OR9K2: variants seen among roughly 807,000 people sequenced by gnomAD.
OR9K2 encodes the protein olfactory receptor 9K2.
In OR9K2, 16 loss-of-function variants were observed where a neutral mutation model predicts 12.4. The observed-to-expected ratio is 1.29, with a 90% CI of 0.87 to 1.95. The LOEUF (loss-of-function observed/expected upper bound fraction) is 1.95. Ranked by LOEUF, OR9K2 falls within the 30% of genes most tolerant of loss-of-function variation. OR9K2 has a pLI of 0.00. For synonymous variants in OR9K2, 133 were observed against 133.2 expected, an observed-to-expected ratio of 1.00 and a Z score of 0.01; for missense variants, 434 against 376.5, an observed-to-expected ratio of 1.15 and a Z score of -1.26.
chr12:55,128,909 C>T (rs754558223), intron 2 of OR9K2, among the ~76,000 whole-genome samples: 1 of 152,046 alleles, frequency 6.6e-6, no homozygotes, highest in Non-Finnish European at 1.5e-5. Flanking sequence ...TAAAGAACTG[C>T]AAGTCACATG....
Position 55,130,813 on chromosome 12 carries a change from T to A in OR9K2, c.*37T>A. ...CTTTCACCAATTTTATTGTGGCTAT[T>A]TATTTAATACACCTGTGTTCATTAA... On this transcript the variant is annotated 3_prime_UTR_variant, in exon 3 of 3. Transcript: ENST00000641329. The A allele has an allele frequency of 1.7e-6, 2 of 1,196,870 alleles. No homozygotes were observed. The highest frequency in any genetic ancestry group is 2.4e-6 in the Non-Finnish European group (2 of 843,318). The allele number at this position is 1,196,870 out of a possible 1,614,324, so 74.1% of individuals were successfully genotyped here.
rs896674004 is a variant in OR9K2, at chr12:55,131,801, C to G, written c.*1025C>G. ...GGTAATCAGAGAAACCCTTCTTGGGCTGCATGGAACATTGCGCAAAGGGGG... is the reference window on the plus strand; with the variant it reads ...GGTAATCAGAGAAACCCTTCTTGGGGTGCATGGAACATTGCGCAAAGGGGG... On this transcript the variant is annotated 3_prime_UTR_variant, in exon 3 of 3. Transcript: ENST00000641329. 5 of 152,128 alleles carry G rather than the reference C, an allele frequency of 3.3e-5. No homozygotes were observed. The highest frequency in any genetic ancestry group is 1.2e-4 in the African/African-American group (5 of 41,410). 9.4% of individuals were successfully genotyped at this position (152,128 alleles called of 1,614,324 possible).
In OR9K2 at chr12:55,130,567, A is replaced by G; in HGVS notation, c.733A>G (p.Ser245Gly). The G allele has an allele frequency of 6.2e-7, 1 of 1,613,710 alleles. No individual in the cohort carries two copies. The highest frequency in any genetic ancestry group is 1.3e-5 in the African/African-American group (1 of 75,020). Residue 245 changes from serine (S) to glycine (G), a missense_variant, in exon 3 of 3, where the codon AGC (serine) becomes GGC (glycine). By Grantham distance (56) the Ser-to-Gly change is moderately conservative. Transcript: ENST00000641329. ...ACATAAGAAGGCCTTCTCCACCTGC[A>G]GCTCTCACCTGGGAGTTGTGAGTGT... is the stretch of plus-strand genomic sequence containing the variant. Reference protein sequence around the residue: ...EGHKKAFSTCSSHLGVVSVLY... With the variant: ...EGHKKAFSTCGSHLGVVSVLY...
Position 55,130,387 on chromosome 12 carries a change from C to A in OR9K2, c.553C>A (p.Arg185Ser). The A allele has an allele frequency of 6.2e-7, 1 of 1,613,938 alleles. No individual in the cohort carries two copies. The highest frequency in any genetic ancestry group is 1.1e-5 in the South Asian group (1 of 91,078). The change falls in exon 3 of 3, where the codon CGC becomes AGC. Residue 185 changes from arginine (R) to serine (S), a missense_variant. Physicochemically the swap from Arg to Ser is moderately radical, Grantham distance 110. Coordinates refer to ENST00000641329, the MANE Select transcript of OR9K2 (RefSeq NM_001005243.2). Reference protein sequence around the residue: ...RAVDHFYCDSRPLQRLSCSDL... With the variant: ...RAVDHFYCDSSPLQRLSCSDL... ...TGTTGACCACTTTTACTGTGATTCT[C>A]GCCCACTTCAGAGACTGTCTTGTTC... is the stretch of plus-strand genomic sequence containing the variant.
rs1179785173 is a variant in OR9K2 at position 55,130,043 on chromosome 12, C to G, written c.209C>G (p.Ser70Cys). 1 of 1,612,826 alleles carries G rather than the reference C, an allele frequency of 6.2e-7. No homozygotes were observed. The change falls in exon 3 of 3, where the codon TCC (serine) becomes TGC (cysteine). Residue 70 changes from serine to cysteine, a missense_variant. Transcript: ENST00000641329. ...ATGTATTTTTTCCTAGGCAATCTCT[C>G]CTTCATTGATCTTTTCTATTCATCT... Reference protein sequence around the residue: ...TPMYFFLGNLSFIDLFYSSVI... With the variant: ...TPMYFFLGNLCFIDLFYSSVI...
rs1434310397 is a variant in OR9K2, at chr12:55,130,870, A to G, written c.*94A>G. The G allele has an allele frequency of 1.4e-6, 1 of 729,444 alleles. No homozygotes were observed. Among genetic ancestry groups the G allele is most frequent in the African/African-American group, 1.8e-5 (1 of 56,138 alleles). 45.2% of individuals were successfully genotyped at this position (729,444 alleles called of 1,614,324 possible). A position where few individuals can be genotyped will look rare whatever the true frequency, so the allele number is the denominator to read the frequency against. ...TTACTCTCCCGAATGTCATAAAAAT[A>G]CTCTTAGATGTTTTCATGTGATGTG... is the stretch of plus-strand genomic sequence containing the variant. On this transcript the variant is annotated 3_prime_UTR_variant, in exon 3 of 3. Transcript: ENST00000641329.
In OR9K2 at chr12:55,132,625, G is replaced by A. The variant is rs1413694640; in HGVS notation, c.*1849G>A. The A allele has an allele frequency of 6.6e-6, 1 of 152,216 alleles. No individual in the cohort carries two copies. Among genetic ancestry groups the A allele is most frequent in the Admixed American group, 6.5e-5 (1 of 15,274 alleles). 9.4% of individuals were successfully genotyped at this position (152,216 alleles called of 1,614,324 possible). A position where few individuals can be genotyped will look rare whatever the true frequency, so the allele number is the denominator to read the frequency against. Reference sequence around the variant, plus strand: ...TTAATTTCTGTTGTTTAAGAACCCAGTGTGTGGTGTTTTGTTATGGGATCT... The same window carrying A: ...TTAATTTCTGTTGTTTAAGAACCCAATGTGTGGTGTTTTGTTATGGGATCT... On this transcript the variant is annotated 3_prime_UTR_variant, in exon 3 of 3. Transcript: ENST00000641329.
chr12:55,127,259 A>T (rs1953435360), intron 2 of OR9K2, among the ~76,000 whole-genome samples: 1 of 151,856 alleles, frequency 6.6e-6, no homozygotes, highest in Non-Finnish European at 1.5e-5. Flanking sequence ...CAAGTGAGGA[A>T]TAATTACTAT....
rs1216616234 is a variant in OR9K2 at position 55,130,841 on chromosome 12, A to T, written c.*65A>T. 5.7e-6 allele frequency: 5 copies of T among 883,490 alleles called. No homozygotes were observed. The highest frequency in any genetic ancestry group is 3.4e-6 in the Non-Finnish European group (2 of 581,848). The allele number at this position is 883,490 out of a possible 1,614,324, so 54.7% of individuals were successfully genotyped here. A position where few individuals can be genotyped will look rare whatever the true frequency, so the allele number is the denominator to read the frequency against. Reference sequence around the variant, plus strand: ...TTTAATACACCTGTGTTCATTAATAAAAGTTACTCTCCCGAATGTCATAAA... The same window carrying T: ...TTTAATACACCTGTGTTCATTAATATAAGTTACTCTCCCGAATGTCATAAA... On this transcript the variant is annotated 3_prime_UTR_variant, in exon 3 of 3. Coordinates refer to ENST00000641329, the MANE Select transcript of OR9K2 (RefSeq NM_001005243.2).
Position 55,129,910 on chromosome 12 carries a change from C to T in OR9K2, c.76C>T (p.Leu26Phe). 1 of 1,614,032 alleles carries T rather than the reference C, an allele frequency of 6.2e-7. No homozygotes were observed. The highest frequency in any genetic ancestry group is 8.5e-7 in the Non-Finnish European group (1 of 1,179,956). Residue 26 changes from leucine to phenylalanine, a missense_variant, in exon 3 of 3, where the codon CTC becomes TTC. Leu to Phe is a conservative substitution (Grantham distance 22). Coordinates refer to ENST00000641329, the MANE Select transcript of OR9K2 (RefSeq NM_001005243.2). ...TGCAGGCTTCAGGGTACGCCCAGAG[C>T]TCCACATTCTCCTCTTCCTGCTATT... is the stretch of plus-strand genomic sequence containing the variant. ...ILAGFRVRPE[L>F]HILLFLLFLF...
At chr12:55,128,698 G>A (rs1329323655) in intron 2 of OR9K2, among the ~76,000 whole-genome samples, 2 of 152,102 alleles carry the variant, frequency 1.3e-5, no homozygotes, top group East Asian at 3.9e-4. Flanking sequence ...AAGCCCTTAG[G>A]ACAGAGAAAG....
Position 55,132,545 on chromosome 12 carries a change from A to G in OR9K2, c.*1769A>G, listed in dbSNP as rs11171310. The G allele has an allele frequency of 0.32, 49,314 of 151,876 alleles. 8,227 individuals are homozygous for G. Among genetic ancestry groups the G allele is most frequent in the Middle Eastern group, 0.4 (119 of 294 alleles). 9.4% of individuals were successfully genotyped at this position (151,876 alleles called of 1,614,324 possible). ...AGCTAAGGAAAGAGGGCTCAGAGAA[A>G]ACCAACTCTGCTGACACCTTGATCT... On this transcript the variant is annotated 3_prime_UTR_variant, in exon 3 of 3. Coordinates refer to ENST00000641329, the MANE Select transcript of OR9K2 (RefSeq NM_001005243.2).
rs1213520253 is a variant in OR9K2 at position 55,132,260 on chromosome 12, AGT to A, written c.*1487_*1488del. 6.6e-6 allele frequency: 1 copy of A among 152,208 alleles called. No homozygotes were observed. Among genetic ancestry groups the A allele is most frequent in the Non-Finnish European group, 1.5e-5 (1 of 68,024 alleles). 9.4% of individuals were successfully genotyped at this position (152,208 alleles called of 1,614,324 possible). ...CAACAAAATGAGAAAAGGAAATAAA[AGT>A]GTTATGGGTTGAATGGTATTCCCTC... is the stretch of plus-strand genomic sequence containing the variant. On this transcript the variant is annotated 3_prime_UTR_variant, in exon 3 of 3. Transcript: ENST00000641329.
intron 1 of OR9K2, among the ~76,000 whole-genome samples, 152 bp from the exon 2 acceptor site, chr12:55,126,676 G>A (rs1161833067): frequency 6.6e-6 from 1 of 152,090 alleles, no homozygotes; most frequent in Non-Finnish European, 1.5e-5. Flanking sequence ...GAGCAATGAG[G>A]CACATAAGCC....
chr12:55,129,950 C>T lies in OR9K2; in HGVS notation c.116C>T (p.Ala39Val), dbSNP rs369351596. The T allele has an allele frequency of 1.9e-6, 3 of 1,613,908 alleles. No homozygotes were observed. The highest frequency in any genetic ancestry group is 1.3e-5 in the African/African-American group (1 of 75,006). The change falls in exon 3 of 3, where the codon GCC (alanine) becomes GTC (valine). Residue 39 changes from alanine (A) to valine (V), a missense_variant. Transcript: ENST00000641329. ...LLFLLFLFVY[A>V]MILLGNVGMM... ...TTCCTGCTATTTTTGTTTGTTTATGCCATGATCCTTCTAGGGAATGTTGGG... is the reference window on the plus strand; with the variant it reads ...TTCCTGCTATTTTTGTTTGTTTATGTCATGATCCTTCTAGGGAATGTTGGG...
At position 55,130,307 on chromosome 12, in the gene OR9K2, G is replaced by T. The variant is rs1399749461; in HGVS notation, c.473G>T (p.Ser158Ile). The T allele has an allele frequency of 6.2e-7, 1 of 1,613,942 alleles. No individual in the cohort carries two copies. The highest frequency in any genetic ancestry group is 2.2e-5 in the East Asian group (1 of 44,880). The change falls in exon 3 of 3, where the codon AGC becomes ATC. Residue 158 changes from serine to isoleucine, a missense_variant. Ser to Ile is a moderately radical substitution (Grantham distance 142). Transcript: ENST00000641329. ...GGTTCCTATTTTTGTGGCTGCATTAGCTCAGTTATTCAGACTAGCATGACA... is the reference window on the plus strand; with the variant it reads ...GGTTCCTATTTTTGTGGCTGCATTATCTCAGTTATTCAGACTAGCATGACA... ...VAGSYFCGCI[S>I]SVIQTSMTFT...
Position 55,130,368 on chromosome 12 carries a change from C to T in OR9K2, c.534C>T (p.Asp178=). The change falls in exon 3 of 3, where the codon GAC becomes GAT. Residue 178 remains aspartate, a synonymous_variant. Coordinates refer to ENST00000641329, the MANE Select transcript of OR9K2 (RefSeq NM_001005243.2). ...TLSFCASRAV[D]HFYCDSRPLQ... ...CTTTTTGCGCTTCTCGGGCTGTTGA[C>T]CACTTTTACTGTGATTCTCGCCCAC... 6.2e-7 allele frequency: 1 copy of T among 1,614,002 alleles called. No homozygotes were observed. Among genetic ancestry groups the T allele is most frequent in the Non-Finnish European group, 8.5e-7 (1 of 1,179,958 alleles).
Position 55,132,405 on chromosome 12 carries a change from G to C in OR9K2, c.*1629G>C, listed in dbSNP as rs1953481167. 6.6e-6 allele frequency: 1 copy of C among 152,210 alleles called. No homozygotes were observed. The highest frequency in any genetic ancestry group is 1.5e-5 in the Non-Finnish European group (1 of 68,036). The allele number at this position is 152,210 out of a possible 1,614,324, so 9.4% of individuals were successfully genotyped here. On this transcript the variant is annotated 3_prime_UTR_variant, in exon 3 of 3. Transcript: ENST00000641329. Reference sequence around the variant, plus strand: ...AGGCTGTAAGATAAATCCTAATTCAGTATCATTTGTGTCCCTATAGAAAGA... The same window carrying C: ...AGGCTGTAAGATAAATCCTAATTCACTATCATTTGTGTCCCTATAGAAAGA...
chr12:55,126,996 CT>C (rs1953433544), intron 2 of OR9K2, 85 bp downstream of exon 2: 1 of 151,956 alleles, frequency 6.6e-6, no homozygotes, highest in Non-Finnish European at 1.5e-5. Flanking sequence ...GAATAACTCC[CT>C]TTTCCAGGTA....
Sources: gnomAD v4.1 joint callset for allele counts (sites outside exome capture counted in the v4.1 genomes callset) on GRCh38, gnomAD v4.1.1 for gene constraint, MANE v1.5 for transcripts, NCBI Gene and HGNC (gene_info 2026-07-23, HGNC 2026-07-21) for gene names.